OCSTAMP: variants seen among roughly 807,000 people sequenced by gnomAD.
OCSTAMP encodes the protein osteoclast stimulatory transmembrane protein.
OCSTAMP carries 17 observed loss-of-function variants against 25.2 expected under a neutral mutation model. The observed-to-expected ratio is 0.68, with a 90% CI of 0.46 to 1.01. OCSTAMP has a LOEUF of 1.01. OCSTAMP is among the 50% of genes least tolerant of loss of function. OCSTAMP has a pLI of 0.00. For synonymous variants in OCSTAMP, 345 were observed against 318.9 expected (o/e 1.08, Z -0.87); for missense variants, 664 against 694.6 (o/e 0.96, Z 0.50).
Position 46,541,457 on chromosome 20 carries a change from G to T in OCSTAMP, c.1518C>A (p.Asp506Glu). 3 of 1,541,936 alleles carry T rather than the reference G, an allele frequency of 1.9e-6. No homozygotes were observed. Among genetic ancestry groups the T allele is most frequent in the Non-Finnish European group, 2.6e-6 (3 of 1,138,182 alleles). The change falls in exon 3 of 3, where the codon GAC (aspartate) becomes GAA (glutamate). Residue 506 changes from aspartate (D) to glutamate (E), a missense_variant. Transcript: ENST00000279028. ...GCACAGGACCAAGGTTACAACTCAG[G>T]TCTCTGCAACTCCAAAGCTCTTTCC... is the stretch of plus-strand genomic sequence containing the variant. ...GEGKELWSCR[D>E]LSCNLGPVPP...
At chr20:46,549,332 C>G (rs1568899285) in intron 1 of OCSTAMP, among the ~76,000 whole-genome samples, 1 of 152,232 alleles carries the variant, frequency 6.6e-6, no homozygotes, top group African/African-American at 2.4e-5. Context: ...TCACTCGAGT[C>G]TCCTCTGTGC....
chr20:46,541,430 C>T lies in OCSTAMP; in HGVS notation c.1545G>A (p.Pro515=), dbSNP rs6122509. ...ACTTACCCAAGGTCACACAGGGAGG[C>T]GGCACAGGACCAAGGTTACAACTCA... The part of the protein sequence containing the change: ...RDLSCNLGPV[P]PPCVTLGKSL... Residue 515 remains proline (P), a synonymous_variant, in exon 3 of 3, where the codon CCG becomes CCA. Transcript: ENST00000279028. 1.4e-3 allele frequency: 2,057 copies of T among 1,448,396 alleles called. 26 individuals are homozygous for T. In the African/African-American group the frequency reaches 0.022, roughly 16 times the overall value. The allele number at this position is 1,448,396 out of a possible 1,614,324, so 89.7% of individuals were successfully genotyped here. A position where few individuals can be genotyped will look rare whatever the true frequency, so the allele number is the denominator to read the frequency against.
rs1178214251 is a variant in OCSTAMP, at chr20:46,546,329, C to T, written c.45G>A (p.Gly15=). 7 of 1,546,660 alleles carry T rather than the reference C, an allele frequency of 4.5e-6. No homozygotes were observed. The highest frequency in any genetic ancestry group is 6.1e-6 in the Non-Finnish European group (7 of 1,145,252). ...PGAAEQLVKT[G]WRSWHLGFWK... is the part of the protein sequence containing the mutation. ...AGAACCCCAAGTGCCAGGACCTCCACCTGCACACAAGGAAATTGAAGGGCA... is the reference window on the plus strand; with the variant it reads ...AGAACCCCAAGTGCCAGGACCTCCATCTGCACACAAGGAAATTGAAGGGCA... Residue 15 remains glycine (G), a splice_region_variant and synonymous_variant, in exon 2 of 3, where the codon GGG becomes GGA. Coordinates refer to ENST00000279028, the MANE Select transcript of OCSTAMP (RefSeq NM_080721.3).
chr20:46,545,544 G>T lies in OCSTAMP; in HGVS notation c.830C>A (p.Ala277Asp). Residue 277 changes from alanine to aspartate, a missense_variant, in exon 2 of 3, where the codon GCC becomes GAC. By Grantham distance (126) the Ala-to-Asp change is moderately radical. Coordinates refer to ENST00000279028, the MANE Select transcript of OCSTAMP (RefSeq NM_080721.3). ...LAQAQATHLL[A>D]PPPTWLLQAA... ...CTGGAGCAGCCAGGTGGGTGGAGGG[G>T]CCAGGAGGTGTGTAGCCTGGGCCTG... 6.4e-7 allele frequency: 1 copy of T among 1,551,564 alleles called. No individual in the cohort carries two copies. The highest frequency in any genetic ancestry group is 8.7e-7 in the Non-Finnish European group (1 of 1,146,912).
chr20:46,549,425 G>A (rs1441159946), intron 1 of OCSTAMP, among the ~76,000 whole-genome samples: 7 of 152,212 alleles, frequency 4.6e-5, no homozygotes. Flanking sequence ...TAATTGAGGA[G>A]ACTTAAATAG....
chr20:46,544,875 T>C (rs169344), intron 2 of OCSTAMP, among the ~76,000 whole-genome samples: 30,410 of 152,202 alleles, frequency 0.2, 4,339 homozygotes, highest in African/African-American at 0.41. Flanking sequence ...TCCTCCAGTC[T>C]GACATAGACA....
Position 46,541,816 on chromosome 20 carries a change from C to T in OCSTAMP, c.1159G>A (p.Ala387Thr), listed in dbSNP as rs1412424609. ...CGGGCGGGTAGCAGTGGGCAGCGGG[C>T]GGAGGTGAGGCGGAGCTCCCATTGG... ...SYQWELRLTS[A>T]RCPLLPARRP... is the part of the protein sequence containing the mutation. Residue 387 changes from alanine (A) to threonine (T), a missense_variant, in exon 3 of 3, where the codon GCC becomes ACC. Coordinates refer to ENST00000279028, the MANE Select transcript of OCSTAMP (RefSeq NM_080721.3). 6.8e-7 allele frequency: 1 copy of T among 1,479,510 alleles called. No individual in the cohort carries two copies. The highest frequency in any genetic ancestry group is 8.9e-7 in the Non-Finnish European group (1 of 1,119,892). The allele number at this position is 1,479,510 out of a possible 1,614,324, so 91.6% of individuals were successfully genotyped here. A position where few individuals can be genotyped will look rare whatever the true frequency, so the allele number is the denominator to read the frequency against.
rs2061832293 is a variant in OCSTAMP at position 46,541,192 on chromosome 20, G to A, written c.*82C>T. On this transcript the variant is annotated 3_prime_UTR_variant, in exon 3 of 3. Transcript: ENST00000279028. ...GTAGAGCAGTTGGTGCAGATGAGAT[G>A]AGCCTGATCGCCAACCAGCCTGGAG... is the stretch of plus-strand genomic sequence containing the variant. 1 of 665,474 alleles carries A rather than the reference G, an allele frequency of 1.5e-6. No homozygotes were observed. The highest frequency in any genetic ancestry group is 1.7e-5 in the South Asian group (1 of 57,760). The allele number at this position is 665,474 out of a possible 1,614,324, so 41.2% of individuals were successfully genotyped here.
At position 46,545,567 on chromosome 20, in the gene OCSTAMP, C is replaced by T. The variant is rs6017909; in HGVS notation, c.807G>A (p.Gln269=). The T allele has an allele frequency of 6.4e-7, 1 of 1,551,668 alleles. No individual in the cohort carries two copies. Among genetic ancestry groups the T allele is most frequent in the East Asian group, 2.4e-5 (1 of 40,914 alleles). The change falls in exon 2 of 3, where the codon CAG becomes CAA. Residue 269 remains glutamine, a synonymous_variant. Coordinates refer to ENST00000279028, the MANE Select transcript of OCSTAMP (RefSeq NM_080721.3). ...ATQQLTQRLA[Q]AQATHLLAPP... ...GGGCCAGGAGGTGTGTAGCCTGGGCCTGTGCCAACCGCTGGGTCAGCTGTT... is the reference window on the plus strand; with the variant it reads ...GGGCCAGGAGGTGTGTAGCCTGGGCTTGTGCCAACCGCTGGGTCAGCTGTT...
chr20:46,541,977 T>G, intron 2 of OCSTAMP, 50 bp from the exon 3 acceptor site: 1 of 1,398,240 alleles, frequency 7.2e-7, no homozygotes, highest in South Asian at 1.7e-5. Context: ...CTCTGGCCAC[T>G]CCCCACCTCT....
rs377489232 is a variant in OCSTAMP, at chr20:46,545,666, G to A, written c.708C>T (p.Gly236=). The A allele has an allele frequency of 5.2e-6, 8 of 1,551,626 alleles. No individual in the cohort carries two copies. In the African/African-American group the frequency reaches 5.5e-5, roughly 11 times the overall value. ...QRVVTGLFML[G]LLVESAWYLH... is the part of the protein sequence containing the mutation. ...GGTACCATGCCGACTCCACCAGGAG[G>A]CCCAACATAAACAGCCCTGTGACCA... The change falls in exon 2 of 3, where the codon GGC becomes GGT. Residue 236 remains glycine, a synonymous_variant. Coordinates refer to ENST00000279028, the MANE Select transcript of OCSTAMP (RefSeq NM_080721.3).
At chr20:46,544,406 G>A (rs1185085855) in intron 2 of OCSTAMP, among the ~76,000 whole-genome samples, 3 of 152,120 alleles carry the variant, frequency 2.0e-5, no homozygotes, top group Admixed American at 1.3e-4. Flanking sequence ...TGATTAAATT[G>A]ATTTTGTGCA....
At position 46,545,723 on chromosome 20, in the gene OCSTAMP, C is replaced by A. The variant is rs566777330; in HGVS notation, c.651G>T (p.Leu217=). 2.6e-6 allele frequency: 4 copies of A among 1,551,628 alleles called. No homozygotes were observed. The East Asian group carries it at 9.8e-5, about 38-fold the overall frequency. Residue 217 remains leucine (L), a synonymous_variant, in exon 2 of 3, where the codon CTG becomes CTT. Transcript: ENST00000279028. ...GGGTCCCTAGCGCTGCTGCCCGGGC[C>A]AGGGACTCCAGGCCAGAGAAATCCT... ...VLEDFSGLES[L]ARAAALGTQR... is the part of the protein sequence containing the mutation.
At position 46,541,161 on chromosome 20, in the gene OCSTAMP, T is replaced by C. The variant is rs74370887; in HGVS notation, c.*113A>G. 5.8e-3 allele frequency: 3,598 copies of C among 624,766 alleles called. 101 individuals carry two copies. In the African/African-American group the frequency reaches 0.059, roughly 10 times the overall value. The allele number at this position is 624,766 out of a possible 1,614,324, so 38.7% of individuals were successfully genotyped here. A position where few individuals can be genotyped will look rare whatever the true frequency, so the allele number is the denominator to read the frequency against. ...AAATTCATGATGCAAGGTCTCCATCTAACAAGTAGAGCAGTTGGTGCAGAT... is the reference window on the plus strand; with the variant it reads ...AAATTCATGATGCAAGGTCTCCATCCAACAAGTAGAGCAGTTGGTGCAGAT... On this transcript the variant is annotated 3_prime_UTR_variant, in exon 3 of 3. Transcript: ENST00000279028.
At position 46,545,910 on chromosome 20, in the gene OCSTAMP, C is replaced by A; in HGVS notation, c.464G>T (p.Gly155Val). 5 of 1,551,312 alleles carry A rather than the reference C, an allele frequency of 3.2e-6. No homozygotes were observed. Among genetic ancestry groups the A allele is most frequent in the East Asian group, 2.4e-5 (1 of 40,916 alleles). ...GGTATTGAGGAGACTCTCCAGGGAG[C>A]CCTCGGTGACACACCTCAGCACCTG... Reference protein sequence around the residue: ...AGQVLRCVTEGSLESLLNTTH... With the variant: ...AGQVLRCVTEVSLESLLNTTH... The change falls in exon 2 of 3, where the codon GGC (glycine) becomes GTC (valine). Residue 155 changes from glycine to valine, a missense_variant. Coordinates refer to ENST00000279028, the MANE Select transcript of OCSTAMP (RefSeq NM_080721.3).
chr20:46,546,471 T>C, intron 1 of OCSTAMP, 142 bp from the exon 2 acceptor site: 2 of 687,164 alleles, frequency 2.9e-6, no homozygotes, highest in East Asian at 5.4e-5. Flanking sequence ...CCAATCAGAG[T>C]AAGTCACTGT....
chr20:46,549,810 G>C lies in OCSTAMP; in HGVS notation c.44+707C>G, dbSNP rs536783209. On this transcript the variant is annotated intron_variant, in intron 1 of 2. Transcript: ENST00000279028. Reference sequence around the variant, plus strand: ...AATGTGCCTTATTGTGGCCCACTCTGTGTGTGTGTGTGTGTGTGTAAGCTG... The same window carrying C: ...AATGTGCCTTATTGTGGCCCACTCTCTGTGTGTGTGTGTGTGTGTAAGCTG... Among the ~76,000 whole-genome samples the C allele has an allele frequency of 4.0e-5, 6 of 150,466 alleles. No homozygotes were observed. In the South Asian group the frequency reaches 1.3e-3, roughly 32 times the overall value.
Position 46,545,425 on chromosome 20 carries a change from C to G in OCSTAMP, c.949G>C (p.Val317Leu). The G allele has an allele frequency of 3.9e-6, 6 of 1,550,260 alleles. No homozygotes were observed. The highest frequency in any genetic ancestry group is 5.2e-6 in the Non-Finnish European group (6 of 1,146,606). Residue 317 changes from valine to leucine, a missense_variant, in exon 2 of 3, where the codon GTG becomes CTG. Transcript: ENST00000279028. ...AGGAAGGCTACATGGTCTGTGGCCA[C>G]CGCCACAGCCGTGGCCACGAGGAGC... Reference protein sequence around the residue: ...ALLLVATAVAVATDHVAFLLA... With the variant: ...ALLLVATAVALATDHVAFLLA...
chr20:46,541,782 C>T lies in OCSTAMP; in HGVS notation c.1193G>A (p.Arg398His), dbSNP rs2061835325. The change falls in exon 3 of 3, where the codon CGC (arginine) becomes CAC (histidine). Residue 398 changes from arginine (R) to histidine (H), a missense_variant. Arg to His is a conservative substitution (Grantham distance 29). Transcript: ENST00000279028. ...RCPLLPARRP[R>H]AAAPLAAGAL... is the part of the protein sequence containing the mutation. ...CCCCGCGGCCAGCGGGGCAGCTGCGCGGGGACGCCGGGCGGGTAGCAGTGG... is the reference window on the plus strand; with the variant it reads ...CCCCGCGGCCAGCGGGGCAGCTGCGTGGGGACGCCGGGCGGGTAGCAGTGG... The T allele has an allele frequency of 1.3e-6, 2 of 1,501,350 alleles. No homozygotes were observed. Among genetic ancestry groups the T allele is most frequent in the Non-Finnish European group, 1.8e-6 (2 of 1,128,374 alleles). 93.0% of individuals were successfully genotyped at this position (1,501,350 alleles called of 1,614,324 possible). A position where few individuals can be genotyped will look rare whatever the true frequency, so the allele number is the denominator to read the frequency against.
Sources: allele counts gnomAD v4.1 joint callset (sites outside exome capture counted in the v4.1 genomes callset), GRCh38; gene constraint gnomAD v4.1.1; transcripts MANE v1.5; gene names NCBI Gene and HGNC (gene_info 2026-07-23, HGNC 2026-07-21).